Variants in PRAMEF12 observed in about 807,000 individuals in gnomAD.
The protein encoded by PRAMEF12 is PRAME family member 12.
PRAMEF12 carries 24 observed loss-of-function variants against 24.6 expected under a neutral mutation model. The observed-to-expected ratio is 0.98, with a 90% CI of 0.71 to 1.37. The LOEUF (loss-of-function observed/expected upper bound fraction) is 1.37. Among genes scored for constraint, PRAMEF12 ranks in the 40% most tolerant of loss-of-function variants. The probability of loss-of-function intolerance (pLI) is 0.00; values close to 1 mark genes in which losing one functional copy is unlikely to be tolerated. For synonymous variants in PRAMEF12, 286 were observed against 242.6 expected, an observed-to-expected ratio of 1.18 and a Z score of -1.66; for missense variants, 646 against 580.3, an observed-to-expected ratio of 1.11 and a Z score of -1.16.
intron 1 of PRAMEF12, 40 bp from the exon 2 acceptor site, chr1:12,775,503 C>T (rs1443258217): frequency 6.5e-7 from 1 of 1,545,024 alleles, no homozygotes; most frequent in Non-Finnish European, 8.8e-7. Flanking sequence ...AAGCTCAAAT[C>T]CTTCCTAAAT....
Position 12,777,750 on chromosome 1 carries a change from A to G in PRAMEF12, c.*151A>G. The G allele has an allele frequency of 1.2e-6, 1 of 819,978 alleles. No homozygotes were observed. 50.8% of individuals were successfully genotyped at this position (819,978 alleles called of 1,614,324 possible). A position where few individuals can be genotyped will look rare whatever the true frequency, so the allele number is the denominator to read the frequency against. On this transcript the variant is annotated 3_prime_UTR_variant, in exon 3 of 3. Coordinates refer to ENST00000357726, the MANE Select transcript of PRAMEF12 (RefSeq NM_001080830.5). ...GGGACTGGGGGAAAAGTTGAGTTGG[A>G]GTCAATAGGAGCTTTAGAGACCTGT...
At chr1:12,775,520 C>A (rs200414635) in intron 1 of PRAMEF12, 23 bp from the exon 2 acceptor site, 24 of 1,577,536 alleles carry the variant, frequency 1.5e-5, no homozygotes, top group Middle Eastern at 1.7e-4. Flanking sequence ...AAATTTGGAG[C>A]CTCTCTTCTC....
Position 12,777,515 on chromosome 1 carries a change from C to A in PRAMEF12, c.1368C>A (p.Cys456Ter), listed in dbSNP as rs187204759. 241 of 1,614,112 alleles carry A rather than the reference C, an allele frequency of 1.5e-4. No individual in the cohort carries two copies. In the East Asian group the frequency reaches 4.8e-3, roughly 32 times the overall value. Residue 456 changes from cysteine to a stop codon, truncating the protein, a stop_gained, in exon 3 of 3, where the codon TGC (cysteine) becomes TGA (stop). Coordinates refer to ENST00000357726, the MANE Select transcript of PRAMEF12 (RefSeq NM_001080830.5). LOFTEE classifies it low-confidence loss of function (END_TRUNC). ...TAATTGTGTTCAGCACTGTCCCCTG[C>A]CCTCGCTGTGGCATCAGGGCCTCCT... ...PKIIVFSTVP[C>*]PRCGIRASYD...
intron 2 of PRAMEF12, among the ~76,000 whole-genome samples, chr1:12,776,808 T>G (rs991583181): frequency 1.4e-4 from 21 of 152,166 alleles, no homozygotes; most frequent in African/African-American, 4.6e-4. Context: ...TTAGAGTTCA[T>G]GGACTTGACC....
In PRAMEF12 at chr1:12,777,335, G is replaced by C. The variant is rs1639069858; in HGVS notation, c.1188G>C (p.Leu396=). ...TCTCCATGGCCGCCCTGGAGAACCT[G>C]CTGCGCCACACCGTCGGGCTGAGCA... ...NLISMAALEN[L]LRHTVGLSKL... Residue 396 remains leucine, a synonymous_variant, in exon 3 of 3, where the codon CTG becomes CTC. Coordinates refer to ENST00000357726, the MANE Select transcript of PRAMEF12 (RefSeq NM_001080830.5). 2 of 1,613,230 alleles carry C rather than the reference G, an allele frequency of 1.2e-6. No individual in the cohort carries two copies. The highest frequency in any genetic ancestry group is 2.7e-5 in the African/African-American group (2 of 74,886).
chr1:12,776,223 C>G lies in PRAMEF12; in HGVS notation c.863+105C>G, dbSNP rs942233605. On this transcript the variant is annotated intron_variant, in intron 2 of 2. Transcript: ENST00000357726. ...TGTGAGCCAGCTTGTGAGGAGGTAACAGCGAAGGGGACACTAGAATGTCCA... is the reference window on the plus strand; with the variant it reads ...TGTGAGCCAGCTTGTGAGGAGGTAAGAGCGAAGGGGACACTAGAATGTCCA... The G allele has an allele frequency of 2.5e-6, 3 of 1,180,334 alleles. No individual in the cohort carries two copies. In the South Asian group the frequency reaches 4.1e-5, roughly 16 times the overall value. 73.1% of individuals were successfully genotyped at this position (1,180,334 alleles called of 1,614,324 possible). A position where few individuals can be genotyped will look rare whatever the true frequency, so the allele number is the denominator to read the frequency against.
In PRAMEF12 at chr1:12,777,421, G is replaced by A; in HGVS notation, c.1274G>A (p.Cys425Tyr). 1 of 1,606,790 alleles carries A rather than the reference G, an allele frequency of 6.2e-7. No homozygotes were observed. The highest frequency in any genetic ancestry group is 8.5e-7 in the Non-Finnish European group (1 of 1,174,622). The change falls in exon 3 of 3, where the codon TGC (cysteine) becomes TAC (tyrosine). Residue 425 changes from cysteine (C) to tyrosine (Y), a missense_variant. Transcript: ENST00000357726. ...AGTTATGATGCCCAGGGTGCTCTCT[G>A]CTGGGGAAGATTTTCTCAACTTGGG... ...LESYDAQGAL[C>Y]WGRFSQLGAE...
chr1:12,777,521 C>T lies in PRAMEF12; in HGVS notation c.1374C>T (p.Arg458=), dbSNP rs201781857. 0.011 allele frequency: 16,829 copies of T among 1,554,408 alleles called. No individual in the cohort carries two copies. The highest frequency in any genetic ancestry group is 0.048 in the East Asian group (2,036 of 42,798). ...IIVFSTVPCP[R]CGIRASYDLE... ...TGTTCAGCACTGTCCCCTGCCCTCG[C>T]TGTGGCATCAGGGCCTCCTATGACC... is the stretch of plus-strand genomic sequence containing the variant. Residue 458 remains arginine (R), a synonymous_variant, in exon 3 of 3, where the codon CGC becomes CGT. Transcript: ENST00000357726.
In PRAMEF12 at chr1:12,774,154, G is replaced by A. The variant is rs553115466; in HGVS notation, c.-714G>A. Among the ~76,000 whole-genome samples, 88 of 152,142 alleles carry A rather than the reference G, an allele frequency of 5.8e-4. No individual in the cohort carries two copies. The highest frequency in any genetic ancestry group is 2.9e-3 in the Admixed American group (45 of 15,296). On this transcript the variant is annotated 5_prime_UTR_variant, in exon 1 of 3. The change creates a new upstream start codon in the 5' untranslated region. Coordinates refer to ENST00000357726, the MANE Select transcript of PRAMEF12 (RefSeq NM_001080830.5). ...TATAGTTCATAGACTTGGTGGCATCGTGATTTTACATGTTAGGCCTTAGTT... is the reference window on the plus strand; with the variant it reads ...TATAGTTCATAGACTTGGTGGCATCATGATTTTACATGTTAGGCCTTAGTT...
rs141977389 is a variant in PRAMEF12 at position 12,777,621 on chromosome 1, C to A, written c.*22C>A. The A allele has an allele frequency of 6.3e-7, 1 of 1,595,538 alleles. No homozygotes were observed. Among genetic ancestry groups the A allele is most frequent in the African/African-American group, 1.3e-5 (1 of 74,662 alleles). On this transcript the variant is annotated 3_prime_UTR_variant, in exon 3 of 3. Coordinates refer to ENST00000357726, the MANE Select transcript of PRAMEF12 (RefSeq NM_001080830.5). ...TTAAAGCTTTCTTCTGGTCATTTGG[C>A]AACTGAATCCTAGGCCATGAGTGTA...
intron 1 of PRAMEF12, 148 bp downstream of exon 1, chr1:12,775,302 G>A: frequency 2.9e-6 from 3 of 1,042,250 alleles, no homozygotes; most frequent in Admixed American, 2.6e-5. Flanking sequence ...CCATTGTCCA[G>A]CTCCTCTGGG....
In PRAMEF12 at chr1:12,777,332, C is replaced by G. The variant is rs78132363; in HGVS notation, c.1185C>G (p.Asn395Lys). 43,371 of 1,586,450 alleles carry G rather than the reference C, an allele frequency of 0.027. No homozygotes were observed. Among genetic ancestry groups the G allele is most frequent in the East Asian group, 0.042 (1,762 of 42,102 alleles). Reference protein sequence around the residue: ...GNLISMAALENLLRHTVGLSK... With the variant: ...GNLISMAALEKLLRHTVGLSK... The stretch of plus-strand genomic sequence containing the variant: ...TCATCTCCATGGCCGCCCTGGAGAA[C>G]CTGCTGCGCCACACCGTCGGGCTGA... The change falls in exon 3 of 3, where the codon AAC becomes AAG. Residue 395 changes from asparagine (N) to lysine (K), a missense_variant. Transcript: ENST00000357726.
In PRAMEF12 at chr1:12,777,320, C is replaced by T. The variant is rs112368379; in HGVS notation, c.1173C>T (p.Ala391=). Reference sequence around the variant, plus strand: ...TCTGTGGGAACCTCATCTCCATGGCCGCCCTGGAGAACCTGCTGCGCCACA... The same window carrying T: ...TCTGTGGGAACCTCATCTCCATGGCTGCCCTGGAGAACCTGCTGCGCCACA... The part of the protein sequence containing the change: ...FSFCGNLISM[A]ALENLLRHTV... The change falls in exon 3 of 3, where the codon GCC becomes GCT. Residue 391 remains alanine (A), a synonymous_variant. Transcript: ENST00000357726. 0.091 allele frequency: 146,608 copies of T among 1,612,840 alleles called. 7,486 individuals carry two copies. Among genetic ancestry groups the T allele is most frequent in the South Asian group, 0.12 (11,265 of 90,994 alleles).
Position 12,775,013 on chromosome 1 carries a change from G to A in PRAMEF12, c.146G>A (p.Cys49Tyr), listed in dbSNP as rs747299902. 10 of 1,614,166 alleles carry A rather than the reference G, an allele frequency of 6.2e-6. No homozygotes were observed. The highest frequency in any genetic ancestry group is 8.5e-6 in the Non-Finnish European group (10 of 1,180,018). ...ATGGAGGCCTTTACCAGGAGATGCT[G>A]CGAGACCCTGACAACTATGGTGCAG... The part of the protein sequence containing the change: ...LFMEAFTRRC[C>Y]ETLTTMVQAW... The change falls in exon 1 of 3, where the codon TGC becomes TAC. Residue 49 changes from cysteine to tyrosine, a missense_variant. Cys to Tyr is a radical substitution (Grantham distance 194). Coordinates refer to ENST00000357726, the MANE Select transcript of PRAMEF12 (RefSeq NM_001080830.5).
In PRAMEF12 at chr1:12,773,965, G is replaced by A. The variant is rs1479708771; in HGVS notation, c.-903G>A. Among the ~76,000 whole-genome samples, 1 of 152,088 alleles carries A rather than the reference G, an allele frequency of 6.6e-6. No individual in the cohort carries two copies. The highest frequency in any genetic ancestry group is 1.5e-5 in the Non-Finnish European group (1 of 68,024). ...TTAGGCTTTGATTTTTCCTCTAAAT[G>A]TAGTTTTGTCTTCATCCCCCAAAAT... On this transcript the variant is annotated 5_prime_UTR_variant, in exon 1 of 3. The change abolishes an upstream ATG in the 5' untranslated region. Transcript: ENST00000357726.
Position 12,776,807 on chromosome 1 carries a change from A to G in PRAMEF12, c.864-204A>G, listed in dbSNP as rs548382329. ...ATGAGGAAAGGGAGCATTAGAGTTC[A>G]TGGACTTGACCCAGTCACCCGAGTG... On this transcript the variant is annotated intron_variant, in intron 2 of 2. Coordinates refer to ENST00000357726, the MANE Select transcript of PRAMEF12 (RefSeq NM_001080830.5). Among the ~76,000 whole-genome samples the G allele has an allele frequency of 2.0e-5, 3 of 152,256 alleles. No homozygotes were observed. The East Asian group carries it at 5.8e-4, about 29-fold the overall frequency.
Position 12,775,075 on chromosome 1 carries a change from A to T in PRAMEF12, c.208A>T (p.Met70Leu), listed in dbSNP as rs1417881389. The change falls in exon 1 of 3, where the codon ATG becomes TTG. Residue 70 changes from methionine (M) to leucine (L), a missense_variant. Coordinates refer to ENST00000357726, the MANE Select transcript of PRAMEF12 (RefSeq NM_001080830.5). ...PFTCLPLGSL[M>L]KSCNLEIFRA... ...CACCTGCCTTCCTCTAGGGTCCCTG[A>T]TGAAGTCATGTAATCTAGAGATCTT... is the stretch of plus-strand genomic sequence containing the variant. The T allele has an allele frequency of 3.1e-6, 5 of 1,614,132 alleles. No individual in the cohort carries two copies. The highest frequency in any genetic ancestry group is 1.1e-5 in the South Asian group (1 of 91,086).
Position 12,777,466 on chromosome 1 carries a change from T to C in PRAMEF12, c.1319T>C (p.Leu440Pro), listed in dbSNP as rs576861277. The change falls in exon 3 of 3, where the codon CTG becomes CCG. Residue 440 changes from leucine to proline, a missense_variant. Physicochemically the swap from Leu to Pro is moderately conservative, Grantham distance 98. Transcript: ENST00000357726. Reference sequence around the variant, plus strand: ...CTTGGGGCTGAGCTGATGAAGACACTGAGGGACTTAAGGCAGCCCAAGATA... The same window carrying C: ...CTTGGGGCTGAGCTGATGAAGACACCGAGGGACTTAAGGCAGCCCAAGATA... The part of the protein sequence containing the change: ...SQLGAELMKT[L>P]RDLRQPKIIV... 6.2e-6 allele frequency: 10 copies of C among 1,613,978 alleles called. No individual in the cohort carries two copies. The highest frequency in any genetic ancestry group is 8.5e-6 in the Non-Finnish European group (10 of 1,180,014).
At chr1:12,776,237 C>G in intron 2 of PRAMEF12, 119 bp downstream of exon 2, 1 of 1,027,910 alleles carries the variant, frequency 9.7e-7, no homozygotes, top group Non-Finnish European at 1.5e-6. Flanking sequence ...GAAGGGGACA[C>G]TAGAATGTCC....
Sources: allele counts gnomAD v4.1 joint callset (sites outside exome capture counted in the v4.1 genomes callset), GRCh38; gene constraint gnomAD v4.1.1; transcripts MANE v1.5; gene names NCBI Gene and HGNC (gene_info 2026-07-23, HGNC 2026-07-21).